Variants in MYH11 observed in about 807,000 individuals in gnomAD.
MYH11 encodes myosin heavy chain 11, also known as myosin-11.
MYH11 carries 80 observed loss-of-function variants against 246.6 expected under a neutral mutation model. That is an observed-to-expected ratio of 0.32 (90% CI 0.27 to 0.39). The LOEUF (loss-of-function observed/expected upper bound fraction) is 0.39, where lower values mean the gene tolerates loss of function less well. Among genes scored for constraint, MYH11 ranks in the 10% least tolerant of loss-of-function variants. The probability of loss-of-function intolerance (pLI) is 1.00; values close to 1 mark genes in which losing one functional copy is unlikely to be tolerated. For synonymous variants in MYH11, 1,071 were observed against 1,015.5 expected (o/e 1.05, Z -1.04); for missense variants, 2,158 against 2,546.8 (o/e 0.85, Z 3.29).
intron 1 of MYH11, among the ~76,000 whole-genome samples, chr16:15,848,958 G>A (rs539774408): frequency 2.0e-5 from 3 of 152,160 alleles, no homozygotes; most frequent in Admixed American, 6.5e-5. Flanking sequence ...CTCCACCATC[G>A]CTCATGTTTA....
At position 15,741,619 on chromosome 16, in the gene MYH11, C is replaced by A. The variant is rs886051761; in HGVS notation, c.2703G>T (p.Glu901Asp). The A allele has an allele frequency of 1.3e-5, 21 of 1,613,310 alleles. No individual in the cohort carries two copies. Among genetic ancestry groups the A allele is most frequent in the Non-Finnish European group, 1.8e-5 (21 of 1,180,036 alleles). ...GCATCTCCTCAGCCTCTGCATACAG[C>A]TCTGTCTCTGCCTGCAGCTGTTCCT... ...LLQEQLQAET[E>D]LYAEAEEMRV... The change falls in exon 22 of 41, where the codon GAG becomes GAT. Residue 901 changes from glutamate (E) to aspartate (D), a missense_variant. Transcript: ENST00000300036.
chr16:15,789,793 A>G (rs554784713), intron 4 of MYH11, among the ~76,000 whole-genome samples: 24 of 152,324 alleles, frequency 1.6e-4, no homozygotes, highest in Middle Eastern at 3.4e-3. Context: ...AAGGAGAGAA[A>G]TTTTTGGATG....
chr16:15,800,436 A>G (rs1012491391), intron 3 of MYH11, among the ~76,000 whole-genome samples: 2 of 151,464 alleles, frequency 1.3e-5, no homozygotes, highest in African/African-American at 4.9e-5. Context: ...AGGAAGAAAG[A>G]AAGAAGAAAG....
chr16:15,720,783 T>C (rs2040427419), intron 33 of MYH11, 56 bp downstream of exon 33: 4 of 1,546,048 alleles, frequency 2.6e-6, no homozygotes, highest in Admixed American at 3.3e-5. Flanking sequence ...AGAGTGGTGA[T>C]AGGAATGAAA....
intron 31 of MYH11, among the ~76,000 whole-genome samples, chr16:15,723,342 T>C (rs1401680924): frequency 6.6e-6 from 1 of 152,108 alleles, no homozygotes; most frequent in Non-Finnish European, 1.5e-5. Context: ...TAGATAGAAT[T>C]AGTCTTTATA....
intron 26 of MYH11, 22 bp from the exon 27 acceptor site, chr16:15,732,730 A>G: frequency 6.2e-7 from 1 of 1,614,044 alleles, no homozygotes; most frequent in Non-Finnish European, 8.5e-7. Flanking sequence ...GAACACAGTG[A>G]ATGGCAGTTG....
At chr16:15,800,586 C>T (rs1191276755) in intron 3 of MYH11, among the ~76,000 whole-genome samples, 3 of 143,278 alleles carry the variant, frequency 2.1e-5, no homozygotes, top group Admixed American at 7.0e-5. Context: ...GTGTATAGGC[C>T]GGTAAATGAG....
At chr16:15,727,164 G>A (rs1308359313) in intron 27 of MYH11, 110 bp from the exon 28 acceptor site, 5 of 919,244 alleles carry the variant, frequency 5.4e-6, no homozygotes, top group Non-Finnish European at 8.8e-6. Flanking sequence ...CACAACAGGG[G>A]GCACACAATC....
At chr16:15,714,820 G>A in intron 40 of MYH11, 89 bp downstream of exon 40, 1 of 1,497,884 alleles carries the variant, frequency 6.7e-7, no homozygotes, top group Non-Finnish European at 9.2e-7. Context: ...GTGGGCACAA[G>A]GGGCATTTGC....
At position 15,756,321 on chromosome 16, in the gene MYH11, C is replaced by T. The variant is rs778666968; in HGVS notation, c.1749+20G>A. The T allele has an allele frequency of 6.2e-7, 1 of 1,613,426 alleles. No individual in the cohort carries two copies. Among genetic ancestry groups the T allele is most frequent in the Admixed American group, 1.7e-5 (1 of 59,988 alleles). On this transcript the variant is annotated intron_variant, in intron 14 of 40. Coordinates refer to ENST00000300036, the MANE Select transcript of MYH11 (RefSeq NM_002474.3). ...TGGGGGTCCCCTGAGACAGAGTCCC[C>T]TGGGCCCTGTGGCTGGTACCTTCCC...
intron 1 of MYH11, among the ~76,000 whole-genome samples, chr16:15,848,593 C>T (rs753146589): frequency 2.6e-5 from 4 of 152,058 alleles, no homozygotes; most frequent in South Asian, 2.1e-4. Context: ...GGAGCTCTTC[C>T]GTGCATTGTG....
At chr16:15,755,253 G>C (rs1033669128) in intron 14 of MYH11, among the ~76,000 whole-genome samples, 1 of 152,156 alleles carries the variant, frequency 6.6e-6, no homozygotes, top group Admixed American at 6.5e-5. Context: ...CAGGACTCTT[G>C]AGAGCCACAG....
chr16:15,740,334 GT>G (rs1445153222), intron 22 of MYH11, 146 bp from the exon 23 acceptor site: 2 of 1,281,952 alleles, frequency 1.6e-6, no homozygotes, highest in Non-Finnish European at 2.2e-6. Flanking sequence ...AGGCCTGAGC[GT>G]GGTGGCTCAC....
intron 8 of MYH11, among the ~76,000 whole-genome samples, chr16:15,772,585 G>A (rs1225681918): frequency 6.6e-6 from 1 of 151,914 alleles, no homozygotes; most frequent in Non-Finnish European, 1.5e-5. Context: ...CTATCTCTCT[G>A]TACAATAGGC....
At chr16:15,766,346 T>G (rs567027415) in intron 9 of MYH11, among the ~76,000 whole-genome samples, 121 of 52,978 alleles carry the variant, frequency 2.3e-3, no homozygotes, top group African/African-American at 8.2e-3. Flanking sequence ...TGTTTTTTGG[T>G]GTGTGTGTGT....
chr16:15,763,741 T>TCGGGGGCCCC, intron 10 of MYH11, 55 bp downstream of exon 10: 1 of 646,848 alleles, frequency 1.5e-6, no homozygotes, highest in Non-Finnish European at 2.9e-6. Flanking sequence ...AAATGTCACC[T>TCGGGGGCCCC]CCCCCACCCC....
intron 26 of MYH11, among the ~76,000 whole-genome samples, chr16:15,734,159 T>C (rs1189607084): frequency 6.6e-6 from 1 of 152,232 alleles, no homozygotes; most frequent in Non-Finnish European, 1.5e-5. Flanking sequence ...ATCTGATCAA[T>C]TTTATTTTTA....
chr16:15,853,098 G>T (rs992182279), intron 1 of MYH11, among the ~76,000 whole-genome samples: 12 of 152,106 alleles, frequency 7.9e-5, no homozygotes, highest in Non-Finnish European at 1.8e-4. Context: ...CAAGTCACTT[G>T]CCCTCTCTGG....
At chr16:15,740,548 T>C (rs928365302) in intron 22 of MYH11, among the ~76,000 whole-genome samples, 2 of 150,666 alleles carry the variant, frequency 1.3e-5, no homozygotes, top group Non-Finnish European at 3.0e-5. Context: ...GAGGCAGAGG[T>C]TGCAGTGAGC....
Sources: gnomAD v4.1 joint callset for allele counts (sites outside exome capture counted in the v4.1 genomes callset) on GRCh38, gnomAD v4.1.1 for gene constraint, MANE v1.5 for transcripts, NCBI Gene and HGNC (gene_info 2026-07-23, HGNC 2026-07-21) for gene names.